Variants in CASD1 observed in about 807,000 individuals in gnomAD.
CASD1 encodes CAS1 domain sialic acid O acetyltransferase 1, also known as N-acetylneuraminate (7)9-O-acetyltransferase.
A neutral mutation model predicts 100.0 loss-of-function variants in CASD1; 41 were observed. The ratio of observed to expected loss-of-function variants is 0.41; its 90% CI spans 0.32 to 0.53. The LOEUF is 0.53. Ranked by LOEUF, CASD1 falls within the 20% of genes least tolerant of loss-of-function variation. The probability of loss-of-function intolerance (pLI) is 0.25; values close to 1 mark genes in which losing one functional copy is unlikely to be tolerated. For synonymous variants in CASD1, 321 were observed against 315.6 expected, an observed-to-expected ratio of 1.02 and a Z score of -0.18; for missense variants, 774 against 948.7, an observed-to-expected ratio of 0.82 and a Z score of 2.42.
intron 10 of CASD1, among the ~76,000 whole-genome samples, chr7:94,540,915 A>G (rs1795360814): frequency 6.6e-6 from 1 of 152,196 alleles, no homozygotes; most frequent in Admixed American, 6.5e-5. Flanking sequence ...ATGGCAGATT[A>G]AGTTCCTCAA....
chr7:94,628,994 G>T, the CASD1 span: 1 of 152,490 alleles, frequency 6.6e-6, no homozygotes, highest in African/African-American at 2.4e-5. Flanking sequence ...TTGTGGAAGA[G>T]TTTTCAGGTA....
At chr7:94,614,761 C>T in the CASD1 span, among the ~76,000 whole-genome samples, 1 of 151,962 alleles carries the variant, frequency 6.6e-6, no homozygotes, top group African/African-American at 2.4e-5. Context: ...GATTATTTGC[C>T]TGCTCCCTAG....
At chr7:94,615,266 G>A in the CASD1 span, among the ~76,000 whole-genome samples, 1 of 152,110 alleles carries the variant, frequency 6.6e-6, no homozygotes, top group Non-Finnish European at 1.5e-5. Flanking sequence ...GGTTGAGGCA[G>A]GAGAATCGCT....
rs1461660172 is a variant in CASD1, at chr7:94,554,702, G to A, written c.2127+127G>A. On this transcript the variant is annotated intron_variant, in intron 17 of 17. Coordinates refer to ENST00000297273, the MANE Select transcript of CASD1 (RefSeq NM_022900.5). ...AATCGGACGTACTTTTTTCTAAACT[G>A]AAGCTATTATGGAATTACAGGGAAA... 4 of 539,080 alleles carry A rather than the reference G, an allele frequency of 7.4e-6. No individual in the cohort carries two copies. In the East Asian group the frequency reaches 1.2e-4, roughly 16 times the overall value. The allele number at this position is 539,080 out of a possible 1,614,324, so 33.4% of individuals were successfully genotyped here.
chr7:94,587,772 A>T, the CASD1 span: 1 of 1,546,630 alleles, frequency 6.5e-7, no homozygotes, highest in Non-Finnish European at 8.7e-7. Flanking sequence ...ATTTCATTAT[A>T]CTTGCCTCAA....
the CASD1 span, among the ~76,000 whole-genome samples, chr7:94,595,945 A>G: frequency 6.6e-6 from 1 of 152,128 alleles, no homozygotes; most frequent in Non-Finnish European, 1.5e-5. Flanking sequence ...GACGCACTTG[A>G]TGATCCTGCA....
intron 3 of CASD1, among the ~76,000 whole-genome samples, chr7:94,518,948 T>G (rs541021536): frequency 6.6e-6 from 1 of 152,132 alleles, no homozygotes; most frequent in Non-Finnish European, 1.5e-5. Flanking sequence ...GGGTGGAATC[T>G]CTAAAATTCA....
At chr7:94,533,981 T>A (rs1306912134) in intron 7 of CASD1, among the ~76,000 whole-genome samples, 179 bp downstream of exon 7, 1 of 152,092 alleles carries the variant, frequency 6.6e-6, no homozygotes, top group Non-Finnish European at 1.5e-5. Context: ...AAGGAACAAA[T>A]TAATAAATAT....
the CASD1 span, among the ~76,000 whole-genome samples, chr7:94,565,484 C>T: frequency 6.6e-6 from 1 of 152,122 alleles, no homozygotes; most frequent in Non-Finnish European, 1.5e-5. Flanking sequence ...GCTTCTCATC[C>T]TCCATCTACA....
the CASD1 span, among the ~76,000 whole-genome samples, chr7:94,601,442 T>TAA: frequency 2.9e-5 from 1 of 34,430 alleles, no homozygotes; most frequent in Admixed American, 3.8e-4. Context: ...TATCCCAGTA[T>TAA]CAAAAAAAAA....
chr7:94,598,112 T>G, the CASD1 span: 2 of 156,570 alleles, frequency 1.3e-5, no homozygotes, highest in African/African-American at 4.8e-5. Flanking sequence ...ATCAGCAATA[T>G]ATGATGTAGC....
the CASD1 span, among the ~76,000 whole-genome samples, chr7:94,633,029 C>A: frequency 2.6e-5 from 4 of 152,126 alleles, no homozygotes; most frequent in Admixed American, 2.6e-4. Flanking sequence ...CTCTAAGAAT[C>A]CACAACACTA....
At chr7:94,610,626 C>A in the CASD1 span, among the ~76,000 whole-genome samples, 3 of 151,956 alleles carry the variant, frequency 2.0e-5, no homozygotes, top group Admixed American at 6.6e-5. Context: ...ACACTAAAAG[C>A]TCCAGCAGTA....
At chr7:94,515,711 A>G (rs1584373818) in intron 1 of CASD1, among the ~76,000 whole-genome samples, 1 of 152,214 alleles carries the variant, frequency 6.6e-6, no homozygotes, top group East Asian at 1.9e-4. Flanking sequence ...CAAAAGGCAA[A>G]TAACAACACC....
At chr7:94,518,496 A>G (rs1794086556) in intron 3 of CASD1, among the ~76,000 whole-genome samples, 173 bp downstream of exon 3, 1 of 152,204 alleles carries the variant, frequency 6.6e-6, no homozygotes, top group African/African-American at 2.4e-5. Flanking sequence ...GATGACAAAA[A>G]GAAGTGGTGG....
intron 5 of CASD1, among the ~76,000 whole-genome samples, chr7:94,532,603 A>T (rs1031081587): frequency 6.6e-6 from 1 of 152,214 alleles, no homozygotes; most frequent in Non-Finnish European, 1.5e-5. Context: ...TCAGACCTCA[A>T]TTGACTATGG....
At chr7:94,584,878 A>G in the CASD1 span, 1 of 152,286 alleles carries the variant, frequency 6.6e-6, no homozygotes, top group South Asian at 2.1e-4. Context: ...GTGTAGCTGT[A>G]GAAAAAAAAA....
the CASD1 span, among the ~76,000 whole-genome samples, chr7:94,572,932 C>G: frequency 2.0e-5 from 3 of 152,074 alleles, no homozygotes; most frequent in Non-Finnish European, 4.4e-5. Flanking sequence ...GAGACAAATT[C>G]CAATCTTCTG....
the CASD1 span, among the ~76,000 whole-genome samples, chr7:94,606,057 G>T: frequency 6.6e-6 from 1 of 152,016 alleles, no homozygotes; most frequent in East Asian, 1.9e-4. Context: ...TCGAACTCCT[G>T]ACCTCAGGTG....
Sources: gnomAD v4.1 joint callset for allele counts (sites outside exome capture counted in the v4.1 genomes callset) on GRCh38, gnomAD v4.1.1 for gene constraint, MANE v1.5 for transcripts, NCBI Gene and HGNC (gene_info 2026-07-23, HGNC 2026-07-21) for gene names.